TEAD3: variants seen among roughly 807,000 people sequenced by gnomAD.
The protein encoded by TEAD3 is transcriptional enhancer factor TEF-5.
In TEAD3, 15 loss-of-function variants were observed where a neutral mutation model predicts 55.6. The observed-to-expected ratio is 0.27, with a 90% CI of 0.18 to 0.42. The LOEUF (loss-of-function observed/expected upper bound fraction) is 0.42, where lower values mean the gene tolerates loss of function less well. Ranked by LOEUF, TEAD3 falls within the 10% of genes least tolerant of loss-of-function variation. The pLI is 1.00. For missense variants in TEAD3, 407 were observed against 576.8 expected (o/e 0.71, Z 3.01); for synonymous variants, 210 against 232.2 (o/e 0.90, Z 0.87).
chr6:35,487,730 A>AG (rs1768416196), intron 1 of TEAD3, among the ~76,000 whole-genome samples: 1 of 152,006 alleles, frequency 6.6e-6, no homozygotes, highest in Non-Finnish European at 1.5e-5. Flanking sequence ...TCAAAAAAAA[A>AG]CAAAACAAAA....
At chr6:35,474,870 C>T (rs1268087132), downstream of TEAD3, 17 of 600,156 alleles carry the variant, frequency 2.8e-5, no homozygotes, top group African/African-American at 5.6e-5. Context: ...ACAATTAAAG[C>T]GCAGAACAGT....
intron 9 of TEAD3, 70 bp downstream of exon 9, chr6:35,476,232 C>A: frequency 6.4e-7 from 1 of 1,567,846 alleles, no homozygotes; most frequent in Admixed American, 1.9e-5. Flanking sequence ...TCCTGAGTTG[C>A]AGCCCTGGAT....
chr6:35,486,314 G>T lies in TEAD3; in HGVS notation c.202+147C>A. On this transcript the variant is annotated intron_variant, in intron 2 of 12. Coordinates refer to ENST00000639578, the Ensembl canonical transcript of TEAD3. This position sits in a 1 kb window ranked among gnomAD's most constrained non-coding sequence, Gnocchi z 7.3. ...GCCCGGCTTGTTTATGAGGAGGAGC[G>T]CGGAGGAGGATCCAGACACACAGGC... 1 of 965,254 alleles carries T rather than the reference G, an allele frequency of 1.0e-6. No individual in the cohort carries two copies. Among genetic ancestry groups the T allele is most frequent in the Non-Finnish European group, 1.5e-6 (1 of 665,012 alleles). 59.8% of individuals were successfully genotyped at this position (965,254 alleles called of 1,614,324 possible).
rs540524516 is a variant in TEAD3, at chr6:35,486,362, C to T, written c.202+99G>A. On this transcript the variant is annotated intron_variant, in intron 2 of 12. Transcript: ENST00000639578. This position sits in a 1 kb window ranked among gnomAD's most constrained non-coding sequence, Gnocchi z 7.3. ...GGCTTGCGCGCCCAGACTCGCCCGGCCAGCGGCTGGCGGCCTCCGACGTCA... is the reference window on the plus strand; with the variant it reads ...GGCTTGCGCGCCCAGACTCGCCCGGTCAGCGGCTGGCGGCCTCCGACGTCA... 5.6e-5 allele frequency: 78 copies of T among 1,402,980 alleles called. No homozygotes were observed. The African/African-American group carries it at 1.0e-3, about 19-fold the overall frequency. The allele number at this position is 1,402,980 out of a possible 1,614,324, so 86.9% of individuals were successfully genotyped here. A position where few individuals can be genotyped will look rare whatever the true frequency, so the allele number is the denominator to read the frequency against.
chr6:35,488,859 C>T lies in TEAD3; in HGVS notation c.-49-2148G>A, dbSNP rs562871071. ...CTGCCTCAGACTCCCATGCAGCCTC[C>T]CCCCTCAGCATGGTGGCACGCACCT... On this transcript the variant is annotated intron_variant, in intron 1 of 12. Transcript: ENST00000639578. The surrounding 1 kb of genome is among the most constrained non-coding windows in gnomAD (Gnocchi z 4.2). Among the ~76,000 whole-genome samples, 8 of 152,214 alleles carry T rather than the reference C, an allele frequency of 5.3e-5. No homozygotes were observed. Among genetic ancestry groups the T allele is most frequent in the African/African-American group, 1.7e-4 (7 of 41,524 alleles).
rs1768641874 is a variant in TEAD3 at position 35,496,092 on chromosome 6, C to T, written c.-50+806G>A. 6.6e-6 allele frequency among the ~76,000 whole-genome samples: 1 copy of T among 152,240 alleles called. No individual in the cohort carries two copies. The highest frequency in any genetic ancestry group is 1.5e-5 in the Non-Finnish European group (1 of 68,038). ...ACCAGCGCTCCCAGCCCTCCCTCCC[C>T]TAGCAGGAATAAAGGGCATGACAGA... On this transcript the variant is annotated intron_variant, in intron 1 of 12. Transcript: ENST00000639578. This position sits in a 1 kb window ranked among gnomAD's most constrained non-coding sequence, Gnocchi z 4.8.
chr6:35,475,092 G>A lies in TEAD3; in HGVS notation c.1260C>T (p.Thr420=). The A allele has an allele frequency of 6.3e-7, 1 of 1,599,338 alleles. No homozygotes were observed. The highest frequency in any genetic ancestry group is 2.3e-5 in the East Asian group (1 of 44,294). Residue 420 remains threonine, a synonymous_variant, in exon 13 of 13, where the codon ACC becomes ACT. Transcript: ENST00000639578. The surrounding 1 kb of genome is among the most constrained non-coding windows in gnomAD (Gnocchi z 5.4). ...CATGGTGCTGGGCCCCGTGCTCACT[G>A]GTGGAGACTTCGAAGACAAAAGCAA...
rs1435402689 is a variant in TEAD3 at position 35,489,475 on chromosome 6, C to T, written c.-49-2764G>A. On this transcript the variant is annotated intron_variant, in intron 1 of 12. Coordinates refer to ENST00000639578, the Ensembl canonical transcript of TEAD3. ...ACTGCCCTAAGTCTGCCCAGGAGGT[C>T]CCCCTCAACCCAAGCAACTGGAGCA... Among the ~76,000 whole-genome samples the T allele has an allele frequency of 3.9e-5, 6 of 152,148 alleles. No homozygotes were observed. In the South Asian group the frequency reaches 8.3e-4, roughly 21 times the overall value.
chr6:35,483,761 C>T lies in TEAD3; in HGVS notation c.267+799G>A, dbSNP rs1035236749. On this transcript the variant is annotated intron_variant, in intron 3 of 12. Coordinates refer to ENST00000639578, the Ensembl canonical transcript of TEAD3. This position sits in a 1 kb window ranked among gnomAD's most constrained non-coding sequence, Gnocchi z 4.5. ...CATGTCTCCTGCTGAGTGTCCCCTA[C>T]CCCAGCAGTCCCCACCCTCCCTCCA... 6.6e-6 allele frequency among the ~76,000 whole-genome samples: 1 copy of T among 152,158 alleles called. No individual in the cohort carries two copies. Among genetic ancestry groups the T allele is most frequent in the African/African-American group, 2.4e-5 (1 of 41,436 alleles).
At chr6:35,474,818 C>G, downstream of TEAD3, 1 of 519,268 alleles carries the variant, frequency 1.9e-6, no homozygotes, top group South Asian at 2.4e-5. Flanking sequence ...GCGCCCCGGA[C>G]AGGCTGCCCC....
At chr6:35,476,413 G>A (rs1288856941) in exon 9 of TEAD3, 1 of 1,613,080 alleles carries the variant, frequency 6.2e-7, no homozygotes, top group South Asian at 1.1e-5. Context: ...CAGCTGAGGG[G>A]AGCGGGGCCA....
rs1029125448 is a variant in TEAD3 at position 35,496,185 on chromosome 6, G to A, written c.-50+713C>T. ...TCAAACCTTGTCAAGTCTAAACAAG[G>A]GCCCTGAGCAAGTGTGGGGAAGAAA... is the stretch of plus-strand genomic sequence containing the variant. On this transcript the variant is annotated intron_variant, in intron 1 of 12. Coordinates refer to ENST00000639578, the Ensembl canonical transcript of TEAD3. The surrounding 1 kb of genome is among the most constrained non-coding windows in gnomAD (Gnocchi z 4.8). Among the ~76,000 whole-genome samples, 1 of 152,176 alleles carries A rather than the reference G, an allele frequency of 6.6e-6. No individual in the cohort carries two copies. Among genetic ancestry groups the A allele is most frequent in the African/African-American group, 2.4e-5 (1 of 41,434 alleles).
At chr6:35,480,000 G>A (rs1004054041) in intron 4 of TEAD3, 4 of 1,381,630 alleles carry the variant, frequency 2.9e-6, no homozygotes, top group African/African-American at 1.4e-5. Flanking sequence ...ACAGAGCAGC[G>A]ACAGGCCTGC....
intron 1 of TEAD3, among the ~76,000 whole-genome samples, chr6:35,490,640 G>A (rs979682912): frequency 2.0e-5 from 3 of 152,140 alleles, no homozygotes; most frequent in Admixed American, 6.5e-5. Flanking sequence ...GGGCTGGACC[G>A]GGGTCTCAGT....
intron 1 of TEAD3, among the ~76,000 whole-genome samples, chr6:35,490,716 G>A (rs1282222433): frequency 1.3e-5 from 2 of 152,192 alleles, no homozygotes; most frequent in East Asian, 1.9e-4. Context: ...GCATGTGCCC[G>A]CCTTCTTCTC....
chr6:35,494,162 T>C (rs1768591814), intron 1 of TEAD3, among the ~76,000 whole-genome samples: 1 of 152,158 alleles, frequency 6.6e-6, no homozygotes, highest in Admixed American at 6.6e-5. Flanking sequence ...CCACATAGAA[T>C]GTCCCACTCA....
At chr6:35,482,790 C>T (rs150569339) in intron 3 of TEAD3, among the ~76,000 whole-genome samples, 2 of 152,266 alleles carry the variant, frequency 1.3e-5, no homozygotes, top group African/African-American at 4.8e-5. Flanking sequence ...AAAACAGTGA[C>T]CTAGTGACCC....
chr6:35,492,495 G>C (rs1227519618), intron 1 of TEAD3, among the ~76,000 whole-genome samples: 1 of 152,112 alleles, frequency 6.6e-6, no homozygotes, highest in Non-Finnish European at 1.5e-5. Flanking sequence ...GCCACACCCT[G>C]CCAGGCTGGG....
At position 35,485,056 on chromosome 6, in the gene TEAD3, T is replaced by C. The variant is rs1481560420; in HGVS notation, c.203-432A>G. Among the ~76,000 whole-genome samples, 4 of 152,166 alleles carry C rather than the reference T, an allele frequency of 2.6e-5. No individual in the cohort carries two copies. The highest frequency in any genetic ancestry group is 7.2e-5 in the African/African-American group (3 of 41,424). On this transcript the variant is annotated intron_variant, in intron 2 of 12. Transcript: ENST00000639578. The surrounding 1 kb of genome is among the most constrained non-coding windows in gnomAD (Gnocchi z 4.3). The stretch of plus-strand genomic sequence containing the variant: ...GTGTCACCAGCTCCAGTACTCTTAG[T>C]GCATGGATTTGTGGGGGCGTGTGAA...
Sources: gnomAD v4.1 joint callset for allele counts (sites outside exome capture counted in the v4.1 genomes callset) on GRCh38, gnomAD v4.1.1 for gene constraint, Gnocchi (gnomAD v3.1) non-coding constraint, MANE v1.5 for transcripts, NCBI Gene and HGNC (gene_info 2026-07-23, HGNC 2026-07-21) for gene names.